TULP4: variants seen among roughly 807,000 people sequenced by gnomAD.
TULP4 encodes TUB like protein 4.
A neutral mutation model predicts 129.0 loss-of-function variants in TULP4; 16 were observed. The observed-to-expected ratio is 0.12, with a 90% CI of 0.08 to 0.19. The LOEUF is 0.19. TULP4 is among the 10% of genes least tolerant of loss of function. The probability of loss-of-function intolerance (pLI) is 1.00; values close to 1 mark genes in which losing one functional copy is unlikely to be tolerated. For missense variants in TULP4, 1,842 were observed against 2,059.1 expected (o/e 0.89, Z 2.04); for synonymous variants, 998 against 854.0 (o/e 1.17, Z -2.94).
chr6:158,335,175 G>A (rs1780003631), intron 1 of TULP4, among the ~76,000 whole-genome samples: 1 of 151,804 alleles, frequency 6.6e-6, no homozygotes, highest in African/African-American at 2.4e-5. Flanking sequence ...TACTTGGGAG[G>A]CTGAGGAAGG....
At chr6:158,414,856 G>C (rs341156) in intron 2 of TULP4, among the ~76,000 whole-genome samples, 36,611 of 152,092 alleles carry the variant, frequency 0.24, 5,668 homozygotes, top group Non-Finnish European at 0.35. Context: ...TCAGTCTCCA[G>C]GAACCCTGTT....
At chr6:158,489,235 GCCCAGGT>G (rs1315277852) in intron 8 of TULP4, among the ~76,000 whole-genome samples, 1 of 152,194 alleles carries the variant, frequency 6.6e-6, no homozygotes, top group Non-Finnish European at 1.5e-5. Context: ...AAGACCCTCA[GCCCAGGT>G]TCTGTGGCTG....
At chr6:158,388,930 C>T (rs1777520432) in intron 1 of TULP4, among the ~76,000 whole-genome samples, 1 of 152,168 alleles carries the variant, frequency 6.6e-6, no homozygotes, top group Admixed American at 6.5e-5. Flanking sequence ...CCACGGGTAG[C>T]TGCCATGGTG....
intron 8 of TULP4, among the ~76,000 whole-genome samples, chr6:158,482,860 C>T (rs1337366947): frequency 3.3e-5 from 5 of 152,178 alleles, no homozygotes; most frequent in Non-Finnish European, 7.3e-5. Context: ...TGTGGAGTAC[C>T]CAAGGACTGG....
At chr6:158,419,777 G>C (rs916944786) in intron 2 of TULP4, among the ~76,000 whole-genome samples, 6 of 152,176 alleles carry the variant, frequency 3.9e-5, no homozygotes, top group African/African-American at 1.4e-4. Flanking sequence ...TTTACCAAGA[G>C]CATATTTTAA....
At chr6:158,459,711 T>C (rs1171960601) in intron 5 of TULP4, among the ~76,000 whole-genome samples, 1 of 152,226 alleles carries the variant, frequency 6.6e-6, no homozygotes, top group Admixed American at 6.5e-5. Flanking sequence ...AAATTTCATG[T>C]CGTCATCTTT....
At chr6:158,495,843 GA>G (rs111929134) in intron 11 of TULP4, among the ~76,000 whole-genome samples, 15,382 of 137,306 alleles carry the variant, frequency 0.11, 847 homozygotes, top group Middle Eastern at 0.15. Context: ...TACGTCTCAA[GA>G]AAAAAAAAAA....
In TULP4 at chr6:158,395,674, G is replaced by GCA. The variant is rs1554287340; in HGVS notation, c.253-17391_253-17390insCA. ...CCTGAGGTAAAGTGATGGGCGGGGG[G>GCA]GGGGTCATGGCAGAAGCACCTGGGA... On this transcript the variant is annotated intron_variant, in intron 1 of 13. Transcript: ENST00000367097. Among the ~76,000 whole-genome samples the GCA allele has an allele frequency of 1.5e-4, 19 of 124,162 alleles. 1 individual carries two copies. Among genetic ancestry groups the GCA allele is most frequent in the African/African-American group, 5.3e-4 (18 of 34,280 alleles). 81.5% of individuals were successfully genotyped at this position (124,162 alleles called of 152,430 possible).
At chr6:158,242,271 T>A (rs1777936408) in intron 1 of TULP4, 3 of 1,545,392 alleles carry the variant, frequency 1.9e-6, no homozygotes, top group Non-Finnish European at 2.7e-6. Flanking sequence ...GGTCTATCAG[T>A]GCACATGCAG....
rs533325687 is a variant in TULP4, at chr6:158,347,890, G to A, written c.252+33622G>A. On this transcript the variant is annotated intron_variant, in intron 1 of 13. Coordinates refer to ENST00000367097, the MANE Select transcript of TULP4 (RefSeq NM_020245.5). ...CTTCTTTGATTTAAGAATCTATAAGGTAGAATGTTTTTGGATGAGAAAAAA... is the reference window on the plus strand; with the variant it reads ...CTTCTTTGATTTAAGAATCTATAAGATAGAATGTTTTTGGATGAGAAAAAA... 5.9e-5 allele frequency among the ~76,000 whole-genome samples: 9 copies of A among 151,266 alleles called. No homozygotes were observed. In the South Asian group the frequency reaches 1.9e-3, roughly 32 times the overall value.
chr6:158,407,309 T>C lies in TULP4; in HGVS notation c.253-5756T>C, dbSNP rs567284586. The stretch of plus-strand genomic sequence containing the variant: ...TCATTAACCATCAGGGAAACACAAA[T>C]CAAACTGCTGCACACTCACCAGGGT... On this transcript the variant is annotated intron_variant, in intron 1 of 13. Coordinates refer to ENST00000367097, the MANE Select transcript of TULP4 (RefSeq NM_020245.5). Among the ~76,000 whole-genome samples, 9 of 152,280 alleles carry C rather than the reference T, an allele frequency of 5.9e-5. No individual in the cohort carries two copies. In the South Asian group the frequency reaches 1.9e-3, roughly 32 times the overall value.
At chr6:158,500,662 G>A (rs964371006) in intron 12 of TULP4, among the ~76,000 whole-genome samples, 3 of 152,170 alleles carry the variant, frequency 2.0e-5, no homozygotes, top group Admixed American at 1.3e-4. Context: ...TCTGTAGATC[G>A]CTGTTCAAAT....
At chr6:158,394,712 G>A (rs557173801) in intron 1 of TULP4, among the ~76,000 whole-genome samples, 22 of 148,404 alleles carry the variant, frequency 1.5e-4, no homozygotes, top group East Asian at 7.9e-4. Flanking sequence ...GCGTGAACCC[G>A]GGAGGCGGAG....
chr6:158,505,825 AAC>A (rs1488625187), intron 13 of TULP4, among the ~76,000 whole-genome samples: 1 of 150,034 alleles, frequency 6.7e-6, no homozygotes, highest in Non-Finnish European at 1.5e-5. Context: ...TAGGTGAAGA[AAC>A]CACTTCATTT....
At chr6:158,246,296 T>TC (rs1480681686) in intron 1 of TULP4, among the ~76,000 whole-genome samples, 3 of 151,870 alleles carry the variant, frequency 2.0e-5, no homozygotes, top group Non-Finnish European at 4.4e-5. Context: ...GGTCAGGAGA[T>TC]CGAGACCACG....
chr6:158,313,469 A>G lies in TULP4; in HGVS notation c.-548A>G. On this transcript the variant is annotated 5_prime_UTR_variant, in exon 1 of 14. The change abolishes the stop of an existing upstream ORF in the 5' untranslated region. Coordinates refer to ENST00000367097, the MANE Select transcript of TULP4 (RefSeq NM_020245.5). ...ATTTGTCTAGTTCAGGAAACATGCT[A>G]GAGGGTGGCTTCAGAAGGAAGATGA... The G allele has an allele frequency of 5.0e-6, 2 of 400,142 alleles. No homozygotes were observed. The highest frequency in any genetic ancestry group is 1.3e-4 in the South Asian group (1 of 7,940). The allele number at this position is 400,142 out of a possible 1,614,324, so 24.8% of individuals were successfully genotyped here.
chr6:158,431,775 G>A (rs1015391974), intron 3 of TULP4, among the ~76,000 whole-genome samples: 1 of 152,086 alleles, frequency 6.6e-6, no homozygotes. Flanking sequence ...GGACTCCTGG[G>A]GCTGGAGGAG....
rs1583894763 is a variant in TULP4, at chr6:158,454,024, C to CCA, written c.859+1757_859+1758insAC. Reference sequence around the variant, plus strand: ...GAATCATACCTGCCTCTGCACCGCCCCCCCCCAAGTAATTACTCTATTTTT... The same window carrying CCA: ...GAATCATACCTGCCTCTGCACCGCCCCACCCCCCAAGTAATTACTCTATTTTT... On this transcript the variant is annotated intron_variant, in intron 5 of 13. Coordinates refer to ENST00000367097, the MANE Select transcript of TULP4 (RefSeq NM_020245.5). Among the ~76,000 whole-genome samples, 4 of 147,618 alleles carry CCA rather than the reference C, an allele frequency of 2.7e-5. 1 individual carries two copies. The highest frequency in any genetic ancestry group is 5.1e-5 in the African/African-American group (2 of 39,480).
intron 1 of TULP4, among the ~76,000 whole-genome samples, chr6:158,285,047 T>C (rs796855638): frequency 2.0e-5 from 3 of 152,292 alleles, no homozygotes; most frequent in African/African-American, 7.2e-5. Flanking sequence ...CTGGTATGAT[T>C]CTCAAGGTCT....
Sources: allele counts gnomAD v4.1 joint callset (sites outside exome capture counted in the v4.1 genomes callset), GRCh38; gene constraint gnomAD v4.1.1; transcripts MANE v1.5; gene names NCBI Gene and HGNC (gene_info 2026-07-23, HGNC 2026-07-21).